The following PDK1 variants were observed in gnomAD, a reference collection of about 807,000 sequenced individuals.
PDK1 encodes the protein [Pyruvate dehydrogenase (acetyl-transferring)] kinase isozyme 1, mitochondrial.
PDK1 carries 39 observed loss-of-function variants against 54.2 expected under a neutral mutation model. That is an observed-to-expected ratio of 0.72 (90% CI 0.56 to 0.94). The LOEUF is 0.94. PDK1 is among the 40% of genes least tolerant of loss of function. The probability of loss-of-function intolerance (pLI) is 0.00; values close to 1 mark genes in which losing one functional copy is unlikely to be tolerated. For synonymous variants in PDK1, 221 were observed against 207.1 expected, an observed-to-expected ratio of 1.07 and a Z score of -0.58; for missense variants, 552 against 566.0, an observed-to-expected ratio of 0.98 and a Z score of 0.25.
the PDK1 span, among the ~76,000 whole-genome samples, chr2:172,679,436 G>T: frequency 6.6e-6 from 1 of 152,098 alleles, no homozygotes; most frequent in Non-Finnish European, 1.5e-5. Flanking sequence ...AACAGGGCAA[G>T]ACTCTGTCTC....
chr2:172,615,564 A>C, the PDK1 span, among the ~76,000 whole-genome samples: 15 of 152,104 alleles, frequency 9.9e-5, no homozygotes, highest in Admixed American at 2.0e-4. Flanking sequence ...CAGAGGTTGC[A>C]GTGAGCCGAG....
chr2:172,710,275 A>G, the PDK1 span, among the ~76,000 whole-genome samples: 2 of 152,226 alleles, frequency 1.3e-5, no homozygotes, highest in Non-Finnish European at 2.9e-5. Context: ...GGAGTATGAC[A>G]ATCAGCTGAG....
At chr2:172,722,352 C>T in the PDK1 span, among the ~76,000 whole-genome samples, 10 of 152,364 alleles carry the variant, frequency 6.6e-5, no homozygotes, top group African/African-American at 2.4e-4. Flanking sequence ...CTTATCCTTT[C>T]CTTCCCTAGT....
At chr2:172,675,515 C>T in the PDK1 span, among the ~76,000 whole-genome samples, 2 of 152,170 alleles carry the variant, frequency 1.3e-5, no homozygotes, top group African/African-American at 4.8e-5. Context: ...TCAAACCAGC[C>T]GTAACATTCC....
chr2:172,700,371 GCGGGGCAGAGACA>G, the PDK1 span, among the ~76,000 whole-genome samples: 9 of 150,082 alleles, frequency 6.0e-5, no homozygotes, highest in Middle Eastern at 3.5e-3. Flanking sequence ...CGGGGTGGCG[GCGGGGCAGAGACA>G]CTCCTCAGTT....
chr2:172,674,404 T>A, the PDK1 span: 1 of 153,158 alleles, frequency 6.5e-6, no homozygotes, highest in South Asian at 2.1e-4. Flanking sequence ...GCAAACCACA[T>A]CCTCCTTCAG....
At chr2:172,625,489 T>G in the PDK1 span, among the ~76,000 whole-genome samples, 41 of 152,324 alleles carry the variant, frequency 2.7e-4, no homozygotes, top group South Asian at 1.0e-3. Flanking sequence ...TTCTTCAACC[T>G]TATCTCCTGC....
chr2:172,716,837 C>T, the PDK1 span, among the ~76,000 whole-genome samples: 1 of 152,252 alleles, frequency 6.6e-6, no homozygotes, highest in South Asian at 2.1e-4. Flanking sequence ...CCTCAGATCA[C>T]TAAAATGATA....
At chr2:172,663,006 G>A in the PDK1 span, among the ~76,000 whole-genome samples, 2 of 152,216 alleles carry the variant, frequency 1.3e-5, no homozygotes, top group Non-Finnish European at 2.9e-5. Flanking sequence ...CTGAATGTAA[G>A]AAGGAAAGAG....
At chr2:172,650,276 C>A in the PDK1 span, among the ~76,000 whole-genome samples, 1 of 152,158 alleles carries the variant, frequency 6.6e-6, no homozygotes, top group African/African-American at 2.4e-5. Context: ...TACAGACAAA[C>A]AAATGCTGAG....
At chr2:172,591,711 A>G (rs1035262157) in intron 9 of PDK1, among the ~76,000 whole-genome samples, 8 of 152,166 alleles carry the variant, frequency 5.3e-5, no homozygotes, top group African/African-American at 1.9e-4. Flanking sequence ...AGAAGTTAAG[A>G]TAATAAATGT....
At chr2:172,666,687 ATGACTAAGGTCAGAGTAGGTGACCGGGG>A in the PDK1 span, among the ~76,000 whole-genome samples, 1 of 152,206 alleles carries the variant, frequency 6.6e-6, no homozygotes, top group Non-Finnish European at 1.5e-5. Flanking sequence ...GTGACCAAAG[ATGACTAAGGTCAGAGTAGGTGACCGGGG>A]TGACTAAGGT....
chr2:172,640,213 T>G, the PDK1 span, among the ~76,000 whole-genome samples: 1 of 152,244 alleles, frequency 6.6e-6, no homozygotes, highest in Non-Finnish European at 1.5e-5. Context: ...AGAAGGGTAC[T>G]TACTGGAGAA....
At chr2:172,698,531 GT>G in the PDK1 span, among the ~76,000 whole-genome samples, 1 of 152,196 alleles carries the variant, frequency 6.6e-6, no homozygotes, top group Non-Finnish European at 1.5e-5. Context: ...GAAAATTCCT[GT>G]TATATTCTTC....
intron 10 of PDK1, among the ~76,000 whole-genome samples, chr2:172,595,201 T>C (rs780454799): frequency 5.9e-5 from 9 of 152,102 alleles, no homozygotes; most frequent in Admixed American, 1.3e-4. Context: ...TCCCAAGTAG[T>C]TAGGACTACA....
intron 8 of PDK1, among the ~76,000 whole-genome samples, chr2:172,580,848 G>A (rs1689863393): frequency 6.6e-6 from 1 of 151,624 alleles, no homozygotes; most frequent in Non-Finnish European, 1.5e-5. Context: ...AGTGAAAGAA[G>A]CCAATCACAA....
chr2:172,700,819 C>T, the PDK1 span, among the ~76,000 whole-genome samples: 244 of 152,268 alleles, frequency 1.6e-3, 1 homozygote, highest in Non-Finnish European at 3.0e-3. Flanking sequence ...CTGGCCAACA[C>T]GGCAAAAACC....
chr2:172,559,612 A>G (rs888307614), intron 2 of PDK1, among the ~76,000 whole-genome samples: 12 of 152,064 alleles, frequency 7.9e-5, no homozygotes, highest in African/African-American at 2.9e-4. Flanking sequence ...CAATGGCATG[A>G]TCTTGGCTCA....
At chr2:172,581,148 G>A (rs182599175) in intron 8 of PDK1, among the ~76,000 whole-genome samples, 38 of 152,080 alleles carry the variant, frequency 2.5e-4, no homozygotes, top group South Asian at 2.3e-3. Context: ...GCTGGAGTGC[G>A]GTGGCATGAT....
Sources: allele counts gnomAD v4.1 joint callset (sites outside exome capture counted in the v4.1 genomes callset), GRCh38; gene constraint gnomAD v4.1.1; transcripts MANE v1.5; gene names NCBI Gene and HGNC (gene_info 2026-07-23, HGNC 2026-07-21).